Variants in NSMCE2 observed in about 807,000 individuals in gnomAD.
NSMCE2 encodes the protein NSE2 SUMO ligase component of SMC5/6 complex, also known as E3 SUMO-protein ligase NSE2.
In NSMCE2, 24 loss-of-function variants were observed where a neutral mutation model predicts 23.8. The ratio of observed to expected loss-of-function variants is 1.01; its 90% CI spans 0.73 to 1.42. The LOEUF (loss-of-function observed/expected upper bound fraction) is 1.42. Among genes scored for constraint, NSMCE2 ranks in the 40% most tolerant of loss-of-function variants. The pLI is 0.00. For synonymous variants in NSMCE2, 92 were observed against 94.1 expected (o/e 0.98, Z 0.13); for missense variants, 284 against 296.5 (o/e 0.96, Z 0.31).
At chr8:125,177,688 A>G (rs1279644730) in intron 4 of NSMCE2, among the ~76,000 whole-genome samples, 5 of 152,222 alleles carry the variant, frequency 3.3e-5, no homozygotes, top group Admixed American at 3.3e-4. Flanking sequence ...TTTAAGGATT[A>G]GCCCTTTTCT....
At chr8:125,197,189 C>T (rs1236613774) in intron 5 of NSMCE2, among the ~76,000 whole-genome samples, 1 of 152,158 alleles carries the variant, frequency 6.6e-6, no homozygotes. Context: ...CATGCAGAAG[C>T]TCTTTAGTTT....
At chr8:125,284,642 G>A (rs1827824251) in intron 5 of NSMCE2, among the ~76,000 whole-genome samples, 1 of 152,176 alleles carries the variant, frequency 6.6e-6, no homozygotes. Context: ...ATGACATAGT[G>A]GATCTGAGAG....
At chr8:125,322,410 A>G (rs147617962) in intron 5 of NSMCE2, among the ~76,000 whole-genome samples, 97 of 152,352 alleles carry the variant, frequency 6.4e-4, no homozygotes, top group African/African-American at 2.2e-3. Context: ...AAAGCATTTG[A>G]CAAAATCCAA....
At chr8:125,172,927 A>C (rs1385416281) in intron 4 of NSMCE2, among the ~76,000 whole-genome samples, 2 of 152,086 alleles carry the variant, frequency 1.3e-5, no homozygotes, top group African/African-American at 4.8e-5. Context: ...ACTGTCATTC[A>C]CAGGGGTGAG....
chr8:125,185,058 T>C (rs2130810740), intron 5 of NSMCE2, among the ~76,000 whole-genome samples: 1 of 152,320 alleles, frequency 6.6e-6, no homozygotes, highest in Admixed American at 6.5e-5. Context: ...AACTTTATTA[T>C]ATAAGAACAT....
At chr8:125,100,511 C>T (rs1818139529) in intron 1 of NSMCE2, among the ~76,000 whole-genome samples, 1 of 152,118 alleles carries the variant, frequency 6.6e-6, no homozygotes, top group Admixed American at 6.5e-5. Context: ...TATGTTTTAT[C>T]TCTGTCTCTC....
chr8:125,326,645 A>G (rs10956241), intron 5 of NSMCE2, among the ~76,000 whole-genome samples: 66,956 of 152,066 alleles, frequency 0.44, 17,031 homozygotes, highest in East Asian at 0.55. Flanking sequence ...AGTTTAAAAA[A>G]AAGATTGGTT....
At chr8:125,305,532 T>C (rs562704858) in intron 5 of NSMCE2, among the ~76,000 whole-genome samples, 3 of 152,296 alleles carry the variant, frequency 2.0e-5, no homozygotes, top group South Asian at 2.1e-4. Flanking sequence ...AAATCAGACC[T>C]GTAGCTCAGG....
chr8:125,291,623 G>A (rs1452471680), intron 5 of NSMCE2, among the ~76,000 whole-genome samples: 1 of 152,204 alleles, frequency 6.6e-6, no homozygotes, highest in Non-Finnish European at 1.5e-5. Flanking sequence ...TTTTCAGTGT[G>A]ATGGAAAGAT....
At chr8:125,252,773 G>A (rs891358499) in intron 5 of NSMCE2, among the ~76,000 whole-genome samples, 3 of 152,186 alleles carry the variant, frequency 2.0e-5, no homozygotes, top group Admixed American at 1.3e-4. Flanking sequence ...CCTTTAACTT[G>A]TATAAGTCTA....
intron 5 of NSMCE2, among the ~76,000 whole-genome samples, chr8:125,192,319 T>C (rs889013324): frequency 6.7e-6 from 1 of 148,418 alleles, no homozygotes; most frequent in African/African-American, 2.5e-5. Flanking sequence ...TTCTACTTCA[T>C]TTTTAAAAGG....
intron 5 of NSMCE2, among the ~76,000 whole-genome samples, chr8:125,226,474 C>T (rs865800826): frequency 9.9e-5 from 15 of 152,026 alleles, no homozygotes; most frequent in Non-Finnish European, 2.9e-5. Context: ...AGCTGCTCTT[C>T]TTGCACTGTA....
chr8:125,274,257 A>G (rs1827348439), intron 5 of NSMCE2, among the ~76,000 whole-genome samples: 1 of 152,216 alleles, frequency 6.6e-6, no homozygotes, highest in Non-Finnish European at 1.5e-5. Context: ...TGAAACAAAA[A>G]AAAACTTTTT....
At chr8:125,288,516 G>C (rs541165124) in intron 5 of NSMCE2, among the ~76,000 whole-genome samples, 6 of 151,950 alleles carry the variant, frequency 3.9e-5, no homozygotes, top group Admixed American at 2.6e-4. Flanking sequence ...CTTTTACCAG[G>C]GATATTTCTC....
intron 5 of NSMCE2, among the ~76,000 whole-genome samples, chr8:125,233,821 C>G (rs1046229929): frequency 6.6e-6 from 1 of 152,028 alleles, no homozygotes; most frequent in Non-Finnish European, 1.5e-5. Flanking sequence ...ACCTAGAAAT[C>G]TTCACTTTTT....
intron 3 of NSMCE2, among the ~76,000 whole-genome samples, chr8:125,118,042 G>A (rs960411838): frequency 6.6e-6 from 1 of 152,110 alleles, no homozygotes; most frequent in Non-Finnish European, 1.5e-5. Context: ...GGGTGCATCA[G>A]CATCACTTTA....
At position 125,296,284 on chromosome 8, in the gene NSMCE2, A is replaced by G. The variant is rs142494785; in HGVS notation, c.419-60935A>G. On this transcript the variant is annotated intron_variant, in intron 5 of 7. Coordinates refer to ENST00000287437, the MANE Select transcript of NSMCE2 (RefSeq NM_173685.4). ...GTACATGACATATTGAATGAATACT[A>G]TGTTTGTAAGAGAGAGAGAATATGC... is the stretch of plus-strand genomic sequence containing the variant. 2.4e-3 allele frequency among the ~76,000 whole-genome samples: 364 copies of G among 152,126 alleles called. 1 individual carries two copies. Among genetic ancestry groups the G allele is most frequent in the African/African-American group, 7.4e-3 (308 of 41,512 alleles).
intron 5 of NSMCE2, among the ~76,000 whole-genome samples, chr8:125,230,671 C>A (rs930121628): frequency 2.6e-5 from 4 of 151,764 alleles, no homozygotes; most frequent in Non-Finnish European, 5.9e-5. Flanking sequence ...AGGAAAAACA[C>A]CTTTTCTTTT....
chr8:125,220,270 T>C (rs1824791239), intron 5 of NSMCE2, among the ~76,000 whole-genome samples: 1 of 152,174 alleles, frequency 6.6e-6, no homozygotes, highest in Admixed American at 6.5e-5. Flanking sequence ...TATTTTAACA[T>C]GTTTTTGTGT....
Sources: gnomAD v4.1 joint callset for allele counts (sites outside exome capture counted in the v4.1 genomes callset) on GRCh38, gnomAD v4.1.1 for gene constraint, MANE v1.5 for transcripts, NCBI Gene and HGNC (gene_info 2026-07-23, HGNC 2026-07-21) for gene names.